TMPRSS15: variants seen among roughly 807,000 people sequenced by gnomAD.
The protein encoded by TMPRSS15 is enteropeptidase.
TMPRSS15 carries 128 observed loss-of-function variants against 125.3 expected under a neutral mutation model. That is an observed-to-expected ratio of 1.02 (90% confidence interval 0.89 to 1.18). TMPRSS15 has a LOEUF of 1.18. TMPRSS15 is among the 50% of genes most tolerant of loss of function. The pLI is 0.00. For missense variants in TMPRSS15, 1,283 were observed against 1,212.7 expected (o/e 1.06, Z -0.86); for synonymous variants, 446 against 423.2 (o/e 1.05, Z -0.66).
chr21:18,396,040 G>A (rs901117832), intron 3 of TMPRSS15, among the ~76,000 whole-genome samples: 4 of 152,000 alleles, frequency 2.6e-5, no homozygotes, highest in Admixed American at 1.3e-4. Flanking sequence ...TTACTCTCAC[G>A]GTAAAGGAGT....
chr21:18,371,045 G>T (rs1454887088), intron 6 of TMPRSS15, among the ~76,000 whole-genome samples: 2 of 152,030 alleles, frequency 1.3e-5, no homozygotes, highest in African/African-American at 4.8e-5. Flanking sequence ...CAAAATATCA[G>T]TTAGACTTAT....
chr21:18,323,542 G>A (rs935750377), intron 16 of TMPRSS15, among the ~76,000 whole-genome samples: 6 of 152,046 alleles, frequency 3.9e-5, no homozygotes, highest in African/African-American at 1.4e-4. Flanking sequence ...ACAATTCAAG[G>A]TGAGATCTGG....
At chr21:18,425,850 C>T (rs1413920494) in intron 1 of TMPRSS15, among the ~76,000 whole-genome samples, 2 of 152,058 alleles carry the variant, frequency 1.3e-5, no homozygotes, top group Non-Finnish European at 2.9e-5. Context: ...AGCACTCTTG[C>T]TGTAAAAAAC....
chr21:18,408,381 T>C (rs778205755), upstream of TMPRSS15, among the ~76,000 whole-genome samples: 112 of 152,170 alleles, frequency 7.4e-4, 1 homozygote, highest in Non-Finnish European at 1.6e-4. Context: ...TAAATATCTC[T>C]AATACAGTTA....
At chr21:18,285,628 A>G (rs998735422) in intron 21 of TMPRSS15, among the ~76,000 whole-genome samples, 3 of 152,230 alleles carry the variant, frequency 2.0e-5, no homozygotes, top group African/African-American at 7.2e-5. Flanking sequence ...TCTGAAACAT[A>G]GTGTTGTTGC....
At chr21:18,314,986 T>C (rs2075146090) in intron 17 of TMPRSS15, among the ~76,000 whole-genome samples, 160 bp downstream of exon 17, 1 of 152,164 alleles carries the variant, frequency 6.6e-6, no homozygotes, top group Admixed American at 6.5e-5. Context: ...TCTATCCAGA[T>C]GGGGACAGAG....
Position 18,294,273 on chromosome 21 carries a change from T to C in TMPRSS15, c.2483A>G (p.Tyr828Cys), listed in dbSNP as rs8130110. The C allele has an allele frequency of 7.1e-4, 1,154 of 1,614,144 alleles. 7 individuals carry two copies. In the African/African-American group the frequency reaches 0.013, roughly 18 times the overall value. ...GGACACTTGACATCACACTCACCCATACACGCAGTGTGCGGCGGACACCAG... is the reference window on the plus strand; with the variant it reads ...GGACACTTGACATCACACTCACCCACACACGCAGTGTGCGGCGGACACCAG... ...DWLVSAAHCV[Y>C]GRNLEPSKWT... The change falls in exon 21 of 25, where the codon TAT becomes TGT. Residue 828 changes from tyrosine to cysteine, a missense_variant. By Grantham distance (194) the Tyr-to-Cys change is radical. Coordinates refer to ENST00000284885, the MANE Select transcript of TMPRSS15 (RefSeq NM_002772.3).
intron 3 of TMPRSS15, among the ~76,000 whole-genome samples, chr21:18,387,835 G>A (rs2075958917): frequency 6.6e-6 from 1 of 152,136 alleles, no homozygotes; most frequent in South Asian, 2.1e-4. Context: ...GTATTTTAAA[G>A]GATTTATAGA....
At chr21:18,308,562 T>C (rs1181128864) in intron 18 of TMPRSS15, among the ~76,000 whole-genome samples, 1 of 150,924 alleles carries the variant, frequency 6.6e-6, no homozygotes, top group Non-Finnish European at 1.5e-5. Context: ...TAAAAGTACA[T>C]ATATGAACAA....
intron 1 of TMPRSS15, 41 bp downstream of exon 1, chr21:18,403,437 C>T (rs372424312): frequency 2.7e-5 from 43 of 1,613,626 alleles, no homozygotes; most frequent in Non-Finnish European, 3.4e-5. Flanking sequence ...TGTGTACATT[C>T]AGCTGAGAGC....
chr21:18,477,934 T>C (rs1045935514), intron 1 of TMPRSS15, among the ~76,000 whole-genome samples: 7 of 152,024 alleles, frequency 4.6e-5, no homozygotes, highest in African/African-American at 1.2e-4. Context: ...TAGGAAAGGT[T>C]CCTTAATCCC....
chr21:18,320,205 G>A (rs186898841), intron 16 of TMPRSS15, among the ~76,000 whole-genome samples: 1 of 152,042 alleles, frequency 6.6e-6, no homozygotes, highest in East Asian at 1.9e-4. Flanking sequence ...TTAAATGTAG[G>A]TAGAAGTGTT....
intron 6 of TMPRSS15, among the ~76,000 whole-genome samples, chr21:18,365,801 C>A (rs1182094490): frequency 7.1e-6 from 1 of 141,164 alleles, no homozygotes; most frequent in Non-Finnish European, 1.5e-5. Context: ...TGGAATGCAA[C>A]GGCGCGATCT....
At chr21:18,438,345 A>C in intron 1 of TMPRSS15, among the ~76,000 whole-genome samples, 1 of 88,792 alleles carries the variant, frequency 1.1e-5, no homozygotes. Context: ...GGGAGGGGGG[A>C]GGGATAGCAT....
chr21:18,459,394 C>T (rs1356914452), intron 1 of TMPRSS15, among the ~76,000 whole-genome samples: 1 of 152,012 alleles, frequency 6.6e-6, no homozygotes, highest in East Asian at 1.9e-4. Context: ...ATGACTCAGC[C>T]TCTCGAGTAG....
At chr21:18,307,643 G>C (rs7277309) in intron 18 of TMPRSS15, among the ~76,000 whole-genome samples, 19,319 of 152,002 alleles carry the variant, frequency 0.13, 1,867 homozygotes, top group African/African-American at 0.27. Flanking sequence ...CCTGTGCTTA[G>C]ATTTCTGACC....
Position 18,269,893 on chromosome 21 carries a change from G to T in TMPRSS15, c.*76C>A. 1 of 1,565,026 alleles carries T rather than the reference G, an allele frequency of 6.4e-7. No homozygotes were observed. The highest frequency in any genetic ancestry group is 8.7e-7 in the Non-Finnish European group (1 of 1,148,530). On this transcript the variant is annotated 3_prime_UTR_variant, in exon 25 of 25. Coordinates refer to ENST00000284885, the MANE Select transcript of TMPRSS15 (RefSeq NM_002772.3). Reference sequence around the variant, plus strand: ...TGGTAACTTTTTAAAATTTTTGTACGAAACACTTAATTTCCATGCTTTCTA... The same window carrying T: ...TGGTAACTTTTTAAAATTTTTGTACTAAACACTTAATTTCCATGCTTTCTA...
In TMPRSS15 at chr21:18,383,894, T is replaced by C. The variant is rs1043027553; in HGVS notation, c.345-116A>G. 38 of 1,239,258 alleles carry C rather than the reference T, an allele frequency of 3.1e-5. No homozygotes were observed. The African/African-American group carries it at 5.5e-4, about 18-fold the overall frequency. 76.8% of individuals were successfully genotyped at this position (1,239,258 alleles called of 1,614,324 possible). On this transcript the variant is annotated intron_variant, in intron 3 of 24. Coordinates refer to ENST00000284885, the MANE Select transcript of TMPRSS15 (RefSeq NM_002772.3). Reference sequence around the variant, plus strand: ...ATAGTTATCATCTTGCTAATTCTCATTATACCTGTGTAAGGTAGTCACTTC... The same window carrying C: ...ATAGTTATCATCTTGCTAATTCTCACTATACCTGTGTAAGGTAGTCACTTC...
intron 3 of TMPRSS15, among the ~76,000 whole-genome samples, chr21:18,394,859 C>T (rs1390448911): frequency 6.6e-6 from 1 of 152,152 alleles, no homozygotes. Flanking sequence ...TAACTCATTC[C>T]ACTCTGACTT....
Sources: gnomAD v4.1 joint callset for allele counts (sites outside exome capture counted in the v4.1 genomes callset) on GRCh38, gnomAD v4.1.1 for gene constraint, MANE v1.5 for transcripts, NCBI Gene and HGNC (gene_info 2026-07-23, HGNC 2026-07-21) for gene names.